COBL: variants seen among roughly 807,000 people sequenced by gnomAD.
The protein encoded by COBL is cordon-bleu WH2 repeat protein, also known as protein cordon-bleu.
In COBL, 51 loss-of-function variants were observed where a neutral mutation model predicts 98.8. The observed-to-expected ratio is 0.52, with a 90% CI of 0.41 to 0.65. The LOEUF (loss-of-function observed/expected upper bound fraction) is 0.65. COBL is among the 30% of genes least tolerant of loss of function. The probability of loss-of-function intolerance (pLI) is 0.00; values close to 1 mark genes in which losing one functional copy is unlikely to be tolerated. For synonymous variants in COBL, 634 were observed against 651.7 expected, an observed-to-expected ratio of 0.97 and a Z score of 0.41; for missense variants, 1,617 against 1,617.5, an observed-to-expected ratio of 1.00 and a Z score of 0.01.
chr7:51,189,595 T>C (rs1001025756), intron 4 of COBL, among the ~76,000 whole-genome samples: 7 of 151,940 alleles, frequency 4.6e-5, no homozygotes, highest in South Asian at 4.2e-4. Flanking sequence ...TATTGCACCA[T>C]TGCACTACAG....
At chr7:51,229,400 C>T (rs924337231) in intron 1 of COBL, among the ~76,000 whole-genome samples, 4 of 152,178 alleles carry the variant, frequency 2.6e-5, no homozygotes, top group Non-Finnish European at 4.4e-5. Context: ...AGAATGAGAC[C>T]GCGAGAGTTG....
chr7:51,124,405 C>T (rs547590446), intron 6 of COBL, among the ~76,000 whole-genome samples: 1 of 152,302 alleles, frequency 6.6e-6, no homozygotes, highest in East Asian at 1.9e-4. Flanking sequence ...CTTCTGTCTG[C>T]TTGGACTTCT....
At chr7:51,222,620 A>G (rs574195849) in intron 1 of COBL, among the ~76,000 whole-genome samples, 1 of 152,276 alleles carries the variant, frequency 6.6e-6, no homozygotes, top group Admixed American at 6.5e-5. Context: ...AGACAGAGAG[A>G]AACAGCTTAT....
chr7:51,061,890 C>G (rs1791395600), intron 7 of COBL, among the ~76,000 whole-genome samples: 1 of 150,154 alleles, frequency 6.7e-6, no homozygotes. Context: ...GGTCAAACTT[C>G]TTGGTTTCTA....
At chr7:51,105,065 G>A (rs538774214) in intron 6 of COBL, among the ~76,000 whole-genome samples, 1 of 152,072 alleles carries the variant, frequency 6.6e-6, no homozygotes, top group African/African-American at 2.4e-5. Flanking sequence ...CTTAGGTGAC[G>A]TCAAGGAAAA....
chr7:51,170,409 C>A (rs1052672868), intron 5 of COBL, among the ~76,000 whole-genome samples: 2 of 150,798 alleles, frequency 1.3e-5, no homozygotes, highest in African/African-American at 4.9e-5. Context: ...GTAAGGCTTA[C>A]CCATTCCTCA....
At chr7:51,198,514 T>G (rs370970256) in intron 2 of COBL, among the ~76,000 whole-genome samples, 1 of 152,220 alleles carries the variant, frequency 6.6e-6, no homozygotes, top group Non-Finnish European at 1.5e-5. Flanking sequence ...AAGTGTCTTA[T>G]TGGGATTCTC....
At chr7:51,289,654 A>G (rs966260608) in intron 1 of COBL, among the ~76,000 whole-genome samples, 1 of 152,238 alleles carries the variant, frequency 6.6e-6, no homozygotes, top group African/African-American at 2.4e-5. Context: ...TGTGCTAACA[A>G]TGTCTGCAAA....
intron 6 of COBL, among the ~76,000 whole-genome samples, chr7:51,092,351 G>C (rs1794892531): frequency 1.3e-5 from 2 of 152,174 alleles, no homozygotes; most frequent in South Asian, 4.1e-4. Context: ...ATAAATCAAT[G>C]CCGAGGCCAA....
intron 6 of COBL, among the ~76,000 whole-genome samples, chr7:51,088,478 T>C (rs1382959688): frequency 1.3e-5 from 2 of 152,116 alleles, no homozygotes; most frequent in Non-Finnish European, 2.9e-5. Context: ...CATGGTCTTG[T>C]TTCCTGGATA....
At chr7:51,138,021 T>G (rs1332289070) in intron 5 of COBL, among the ~76,000 whole-genome samples, 1 of 152,160 alleles carries the variant, frequency 6.6e-6, no homozygotes, top group African/African-American at 2.4e-5. Flanking sequence ...GAAAAAAAAT[T>G]GAGTCACAGA....
rs924999201 is a variant in COBL, at chr7:51,219,666, A to G, written c.245+75T>C. The G allele has an allele frequency of 6.7e-5, 99 of 1,479,686 alleles. No individual in the cohort carries two copies. The Admixed American group carries it at 7.2e-4, about 11-fold the overall frequency. 91.7% of individuals were successfully genotyped at this position (1,479,686 alleles called of 1,614,324 possible). On this transcript the variant is annotated intron_variant, in intron 2 of 12. Coordinates refer to ENST00000265136, the MANE Select transcript of COBL (RefSeq NM_015198.5). ...ATGAGGAGGAAAATGCAATACATCA[A>G]CATCCGCCTTTCCATTCTCCCCGCT...
rs938012785 is a variant in COBL, at chr7:51,315,779, G to A, written c.41+814C>T. Among the ~76,000 whole-genome samples the A allele has an allele frequency of 5.9e-5, 9 of 152,072 alleles. No homozygotes were observed. The South Asian group carries it at 1.2e-3, about 21-fold the overall frequency. Reference sequence around the variant, plus strand: ...AGCAGGGCTGCTCGTCCTGTTTGAGGGAAATTACTCTTTCTGAGAGTCAAA... The same window carrying A: ...AGCAGGGCTGCTCGTCCTGTTTGAGAGAAATTACTCTTTCTGAGAGTCAAA... On this transcript the variant is annotated intron_variant, in intron 1 of 12. Transcript: ENST00000265136.
chr7:51,291,294 G>C (rs2129187292), intron 1 of COBL, among the ~76,000 whole-genome samples: 1 of 152,264 alleles, frequency 6.6e-6, no homozygotes, highest in African/African-American at 2.4e-5. Context: ...AGATTGCTGA[G>C]GCCAACCTCT....
At chr7:51,312,924 G>C (rs1166235179) in intron 1 of COBL, among the ~76,000 whole-genome samples, 1 of 151,980 alleles carries the variant, frequency 6.6e-6, no homozygotes, top group Admixed American at 6.6e-5. Flanking sequence ...GAGACTATGT[G>C]ATATTGCAAC....
At chr7:51,227,704 G>A (rs1468744529) in intron 1 of COBL, among the ~76,000 whole-genome samples, 1 of 152,030 alleles carries the variant, frequency 6.6e-6, no homozygotes, top group African/African-American at 2.4e-5. Context: ...TGATGACCAG[G>A]GACTCCAGAT....
chr7:51,017,069 C>T lies in COBL; in HGVS notation c.*482G>A. ...TTTTTTTTCTTACTACCAAAACACA[C>T]AGCATCATGGAGCATATCACATTCA... On this transcript the variant is annotated 3_prime_UTR_variant, in exon 13 of 13. Coordinates refer to ENST00000265136, the MANE Select transcript of COBL (RefSeq NM_015198.5). The T allele has an allele frequency of 2.5e-6, 1 of 404,032 alleles. No individual in the cohort carries two copies. Among genetic ancestry groups the T allele is most frequent in the Non-Finnish European group, 4.4e-6 (1 of 229,494 alleles). 25.0% of individuals were successfully genotyped at this position (404,032 alleles called of 1,614,324 possible). A position where few individuals can be genotyped will look rare whatever the true frequency, so the allele number is the denominator to read the frequency against.
chr7:51,029,608 A>G lies in COBL; in HGVS notation c.1505-17T>C. ...CTTCCATTTCTGCAAAGAGGGACAA[A>G]CACAAATCACAGATGTTTCCCACAC... On this transcript the variant is annotated splice_polypyrimidine_tract_variant and intron_variant, in intron 9 of 12. Transcript: ENST00000265136. The G allele has an allele frequency of 6.4e-7, 1 of 1,566,526 alleles. No individual in the cohort carries two copies. The highest frequency in any genetic ancestry group is 8.7e-7 in the Non-Finnish European group (1 of 1,151,436).
At chr7:51,150,573 G>A (rs1056636420) in intron 5 of COBL, among the ~76,000 whole-genome samples, 1 of 152,188 alleles carries the variant, frequency 6.6e-6, no homozygotes, top group Non-Finnish European at 1.5e-5. Flanking sequence ...GTTTCCTGGA[G>A]AAACTATGGG....
Sources: allele counts gnomAD v4.1 joint callset (sites outside exome capture counted in the v4.1 genomes callset), GRCh38; gene constraint gnomAD v4.1.1; transcripts MANE v1.5; gene names NCBI Gene and HGNC (gene_info 2026-07-23, HGNC 2026-07-21).